Variants in USP34 observed in about 807,000 individuals in gnomAD.
The protein encoded by USP34 is ubiquitin carboxyl-terminal hydrolase 34.
Under a neutral mutation model 460.3 loss-of-function variants are expected in USP34, and 70 were observed. The ratio of observed to expected loss-of-function variants is 0.15; its 90% confidence interval spans 0.13 to 0.19. The LOEUF (loss-of-function observed/expected upper bound fraction) is 0.19. Ranked by LOEUF, USP34 falls within the 10% of genes least tolerant of loss-of-function variation. USP34 has a pLI of 1.00. For synonymous variants in USP34, 1,647 were observed against 1,405.3 expected (o/e 1.17, Z -3.85); for missense variants, 3,985 against 4,236.2 (o/e 0.94, Z 1.65).
At chr2:61,261,099 C>T (rs1235160348) in intron 43 of USP34, among the ~76,000 whole-genome samples, 1 of 152,122 alleles carries the variant, frequency 6.6e-6, no homozygotes, top group Admixed American at 6.5e-5. Context: ...AAAGGTAAGG[C>T]TATTCCTCAA....
chr2:61,333,565 C>A (rs1380758731), intron 19 of USP34, among the ~76,000 whole-genome samples: 1 of 152,042 alleles, frequency 6.6e-6, no homozygotes, highest in Non-Finnish European at 1.5e-5. Flanking sequence ...TAAAGGCATG[C>A]CAGAGTTTAC....
At chr2:61,227,773 C>G (rs868215787) in intron 61 of USP34, among the ~76,000 whole-genome samples, 1 of 151,946 alleles carries the variant, frequency 6.6e-6, no homozygotes, top group Non-Finnish European at 1.5e-5. Context: ...TGACTACTTA[C>G]CTTACCTATA....
In USP34 at chr2:61,239,050, G is replaced by A. The variant is rs188204609; in HGVS notation, c.6777+2510C>T. On this transcript the variant is annotated intron_variant, in intron 53 of 79. Transcript: ENST00000398571. ...ATGTTACTGTTGTGATTGTTTCAGG[G>A]TACCACGAACTACACCCATATAAGA... 2.9e-3 allele frequency among the ~76,000 whole-genome samples: 439 copies of A among 151,576 alleles called. 11 individuals carry two copies. The highest frequency in any genetic ancestry group is 6.2e-4 in the Non-Finnish European group (42 of 67,918).
In USP34 at chr2:61,454,693, G is replaced by A. The variant is rs137939623; in HGVS notation, c.43+15957C>T. 6.1e-3 allele frequency among the ~76,000 whole-genome samples: 925 copies of A among 151,352 alleles called. 25 individuals carry two copies. Among genetic ancestry groups the A allele is most frequent in the Admixed American group, 0.052 (791 of 15,148 alleles). On this transcript the variant is annotated intron_variant, in intron 1 of 79. Transcript: ENST00000398571. ...GCCTCCCGAGTAGCCAAGATTACAG[G>A]GGCCCACCACCACACCCAGCTTATT...
intron 1 of USP34, among the ~76,000 whole-genome samples, chr2:61,421,461 T>C (rs1297063166): frequency 1.3e-5 from 2 of 152,222 alleles, no homozygotes; most frequent in Non-Finnish European, 2.9e-5. Flanking sequence ...ACCATTCTTA[T>C]AATTCCATCA....
rs1241852830 is a variant in USP34 at position 61,406,079 on chromosome 2, G to C, written c.181C>G (p.Gln61Glu). ...AAGTTAATAAGTGCACACACTACTT[G>C]ATTAAAAATCTCCAAATGCTTATAT... ...KEYKHLEIFN[Q>E]VVCALINLVI... The change falls in exon 3 of 80, where the codon CAA (glutamine) becomes GAA (glutamate). Residue 61 changes from glutamine to glutamate, a missense_variant. This residue lies in a region of USP34 where 331 missense variants were observed against 293.7 expected (regional missense o/e 1.13). Coordinates refer to ENST00000398571, the MANE Select transcript of USP34 (RefSeq NM_014709.4). 3.7e-6 allele frequency: 6 copies of C among 1,612,660 alleles called. No individual in the cohort carries two copies. The highest frequency in any genetic ancestry group is 5.1e-6 in the Non-Finnish European group (6 of 1,179,758).
At chr2:61,353,171 A>T (rs1236499479) in intron 10 of USP34, among the ~76,000 whole-genome samples, 2 of 152,218 alleles carry the variant, frequency 1.3e-5, no homozygotes, top group Non-Finnish European at 1.5e-5. Flanking sequence ...CACGTCCCTG[A>T]ACATCAAGAT....
chr2:61,307,059 C>T (rs1370863500), intron 27 of USP34, among the ~76,000 whole-genome samples: 2 of 152,040 alleles, frequency 1.3e-5, no homozygotes, highest in Non-Finnish European at 1.5e-5. Context: ...AGACTTGGAA[C>T]CAACCCAAAT....
intron 20 of USP34, among the ~76,000 whole-genome samples, chr2:61,330,143 G>A (rs570689320): frequency 3.9e-5 from 6 of 152,250 alleles, no homozygotes; most frequent in East Asian, 1.9e-4. Flanking sequence ...ACAGACTGTC[G>A]GTACAGAAGC....
chr2:61,448,953 G>A (rs893603550), intron 1 of USP34, among the ~76,000 whole-genome samples: 13 of 152,134 alleles, frequency 8.5e-5, no homozygotes, highest in African/African-American at 2.7e-4. Context: ...TTGGGAGTTC[G>A]AGACCAGCCT....
intron 1 of USP34, among the ~76,000 whole-genome samples, chr2:61,468,158 G>C (rs561621702): frequency 3.3e-5 from 5 of 152,140 alleles, no homozygotes; most frequent in Admixed American, 3.3e-4. Flanking sequence ...TAATAGTGTG[G>C]TATAAACTAC....
At chr2:61,313,108 C>G (rs1314850912) in intron 25 of USP34, among the ~76,000 whole-genome samples, 1 of 152,016 alleles carries the variant, frequency 6.6e-6, no homozygotes, top group Non-Finnish European at 1.5e-5. Flanking sequence ...AGTTTTGTGA[C>G]TCTTCAATTT....
rs895263832 is a variant in USP34, at chr2:61,363,919, C to T, written c.1251+6402G>A. 9.2e-5 allele frequency among the ~76,000 whole-genome samples: 14 copies of T among 152,070 alleles called. 1 individual carries two copies. The highest frequency in any genetic ancestry group is 7.7e-4 in the East Asian group (4 of 5,202). On this transcript the variant is annotated intron_variant, in intron 10 of 79. Coordinates refer to ENST00000398571, the MANE Select transcript of USP34 (RefSeq NM_014709.4). ...ACATAGATTATCACCACTATCTGTACGCAAAACATTTTCATCATCACCAAT... is the reference window on the plus strand; with the variant it reads ...ACATAGATTATCACCACTATCTGTATGCAAAACATTTTCATCATCACCAAT...
chr2:61,253,671 C>T (rs1418074882), intron 48 of USP34, among the ~76,000 whole-genome samples: 1 of 151,662 alleles, frequency 6.6e-6, no homozygotes, highest in East Asian at 1.9e-4. Context: ...TATCTTTCAT[C>T]TAGAAAAATC....
At chr2:61,370,881 C>T (rs1692602804) in intron 8 of USP34, among the ~76,000 whole-genome samples, 1 of 152,164 alleles carries the variant, frequency 6.6e-6, no homozygotes, top group Non-Finnish European at 1.5e-5. Flanking sequence ...TCTTTGCCTT[C>T]CCACTTTTTA....
intron 62 of USP34, 129 bp downstream of exon 62, chr2:61,226,938 G>A: frequency 9.2e-7 from 1 of 1,081,866 alleles, no homozygotes; most frequent in Non-Finnish European, 1.3e-6. Flanking sequence ...TATAATAAAA[G>A]CTAGTGAATA....
At chr2:61,380,090 C>T in intron 7 of USP34, 79 bp downstream of exon 7, 1 of 1,264,536 alleles carries the variant, frequency 7.9e-7, no homozygotes, top group Admixed American at 2.3e-5. Flanking sequence ...GTATGAAGTG[C>T]TCCATAAATA....
chr2:61,338,987 T>C (rs1461447617), intron 18 of USP34, among the ~76,000 whole-genome samples: 1 of 152,172 alleles, frequency 6.6e-6, no homozygotes, highest in Non-Finnish European at 1.5e-5. Flanking sequence ...TTAAGTAAAA[T>C]TTCACTTAAC....
Position 61,190,511 on chromosome 2 carries a change from T to C in USP34, c.9729+7A>G. 6.2e-7 allele frequency: 1 copy of C among 1,613,222 alleles called. No homozygotes were observed. The highest frequency in any genetic ancestry group is 1.1e-5 in the South Asian group (1 of 90,878). On this transcript the variant is annotated splice_region_variant and intron_variant, in intron 77 of 79. Coordinates refer to ENST00000398571, the MANE Select transcript of USP34 (RefSeq NM_014709.4). ...ATGACACACTGAGTTTCCAAAGTACTACGTACCTTTAGAAGGAAATGTGTC... is the reference window on the plus strand; with the variant it reads ...ATGACACACTGAGTTTCCAAAGTACCACGTACCTTTAGAAGGAAATGTGTC...
Sources: allele counts gnomAD v4.1 joint callset (sites outside exome capture counted in the v4.1 genomes callset), GRCh38; gene constraint gnomAD v4.1.1; regional missense constraint gnomAD v4.1.1; transcripts MANE v1.5; gene names NCBI Gene and HGNC (gene_info 2026-07-23, HGNC 2026-07-21).